Variants in PGM5 observed in about 807,000 individuals in gnomAD.
PGM5 encodes phosphoglucomutase-like protein 5.
PGM5 carries 23 observed loss-of-function variants against 59.2 expected under a neutral mutation model. The observed-to-expected ratio is 0.39, with a 90% CI of 0.28 to 0.55. The LOEUF (loss-of-function observed/expected upper bound fraction) is 0.55, where lower values mean the gene tolerates loss of function less well. Among genes scored for constraint, PGM5 ranks in the 20% least tolerant of loss-of-function variants. The probability of loss-of-function intolerance (pLI) is 0.66; values close to 1 mark genes in which losing one functional copy is unlikely to be tolerated. For missense variants in PGM5, 574 were observed against 748.3 expected (o/e 0.77, Z 2.72); for synonymous variants, 214 against 286.0 (o/e 0.75, Z 2.54).
intron 7 of PGM5, among the ~76,000 whole-genome samples, chr9:68,467,013 C>G (rs1480221804): frequency 6.6e-6 from 1 of 152,048 alleles, no homozygotes; most frequent in South Asian, 2.1e-4. Context: ...AGGTTTTTAG[C>G]GTGTACACCT....
intron 6 of PGM5, among the ~76,000 whole-genome samples, chr9:68,440,474 T>C (rs183450701): frequency 6.6e-6 from 1 of 152,284 alleles, no homozygotes; most frequent in East Asian, 1.9e-4. Flanking sequence ...ACAATATGCT[T>C]CTAAATAATC....
intron 10 of PGM5, among the ~76,000 whole-genome samples, chr9:68,499,602 G>C (rs1824539871): frequency 1.3e-5 from 2 of 152,214 alleles, no homozygotes; most frequent in African/African-American, 2.4e-5. Context: ...CCAAACAACT[G>C]TCCTCTCTTG....
intron 6 of PGM5, chr9:68,397,866 C>A (rs1822551588): frequency 6.6e-6 from 1 of 152,164 alleles, no homozygotes; most frequent in African/African-American, 2.4e-5. Flanking sequence ...GAAATGACAC[C>A]CACACATGTG....
Position 68,363,383 on chromosome 9 carries a change from G to A in PGM5, c.261+5995G>A, listed in dbSNP as rs1432196051. Among the ~76,000 whole-genome samples, 83 of 152,392 alleles carry A rather than the reference G, an allele frequency of 5.4e-4. No homozygotes were observed. In the East Asian group the frequency reaches 0.016, roughly 29 times the overall value. On this transcript the variant is annotated intron_variant, in intron 1 of 10. Coordinates refer to ENST00000396396, the MANE Select transcript of PGM5 (RefSeq NM_021965.4). ...AATTTTAATTAATTAAAATAGAAATGCAAATAACCATAAGTGGTTAGTAGC... is the reference window on the plus strand; with the variant it reads ...AATTTTAATTAATTAAAATAGAAATACAAATAACCATAAGTGGTTAGTAGC...
chr9:68,479,441 G>T lies in PGM5; in HGVS notation c.1183G>T (p.Asp395Tyr). 6.2e-7 allele frequency: 1 copy of T among 1,613,710 alleles called. No individual in the cohort carries two copies. The highest frequency in any genetic ancestry group is 8.5e-7 in the Non-Finnish European group (1 of 1,179,876). Residue 395 changes from aspartate to tyrosine, a missense_variant, in exon 8 of 11, where the codon GAT becomes TAT. By Grantham distance (160) the Asp-to-Tyr change is radical. Around this residue, in one of 7 missense-constraint regions of PGM5, gnomAD observed 300 missense variants for 280.0 expected, o/e 1.07. Coordinates refer to ENST00000396396, the MANE Select transcript of PGM5 (RefSeq NM_021965.4). Reference sequence around the variant, plus strand: ...AGGCTCTGACCACCTCCGAGAGAAGGATGGCCTGTGGGCTGTCTTGGTCTG... The same window carrying T: ...AGGCTCTGACCACCTCCGAGAGAAGTATGGCCTGTGGGCTGTCTTGGTCTG... ...GTGSDHLREK[D>Y]GLWAVLVWLS...
Position 68,529,567 on chromosome 9 carries a change from G to A in PGM5, c.1615G>A (p.Ala539Thr), listed in dbSNP as rs139767821. ...ACAGACTTTCCTTTTCCTTTTGCAG[G>A]CAGTGCTGAGCCCTCTCATAGCCAT... is the stretch of plus-strand genomic sequence containing the variant. Reference protein sequence around the residue: ...DPSGHDQEPQAVLSPLIAIAL... With the variant: ...DPSGHDQEPQTVLSPLIAIAL... The change falls in exon 11 of 11, where the codon GCA becomes ACA. Residue 539 changes from alanine to threonine, a missense_variant and splice_region_variant. Physicochemically the swap from Ala to Thr is moderately conservative, Grantham distance 58. This residue lies in a region of PGM5 where 300 missense variants were observed against 280.0 expected (regional missense o/e 1.07). Coordinates refer to ENST00000396396, the MANE Select transcript of PGM5 (RefSeq NM_021965.4). The A allele has an allele frequency of 5.0e-6, 8 of 1,588,272 alleles. No individual in the cohort carries two copies. In the African/African-American group the frequency reaches 9.4e-5, roughly 19 times the overall value.
intron 9 of PGM5, among the ~76,000 whole-genome samples, chr9:68,492,158 G>A (rs1824402119): frequency 6.6e-6 from 1 of 152,168 alleles, no homozygotes; most frequent in South Asian, 2.1e-4. Flanking sequence ...ATGATCACAG[G>A]AACTAAGGGA....
intron 9 of PGM5, among the ~76,000 whole-genome samples, chr9:68,492,848 T>C (rs1824416981): frequency 6.6e-6 from 1 of 152,208 alleles, no homozygotes; most frequent in Admixed American, 6.5e-5. Context: ...AATCTCCTGC[T>C]TTCTAGGCTG....
intron 1 of PGM5, among the ~76,000 whole-genome samples, chr9:68,361,320 G>T (rs1834575398): frequency 6.6e-6 from 1 of 152,162 alleles, no homozygotes; most frequent in Admixed American, 6.5e-5. Context: ...TAATGAAATT[G>T]ATTGTTGAAA....
chr9:68,369,883 T>C (rs1367695418), intron 1 of PGM5, among the ~76,000 whole-genome samples: 1 of 151,874 alleles, frequency 6.6e-6, no homozygotes, highest in African/African-American at 2.4e-5. Context: ...AATGAAGGAG[T>C]CCCTTGATGT....
At chr9:68,360,569 C>A (rs1468479752) in intron 1 of PGM5, among the ~76,000 whole-genome samples, 1 of 150,214 alleles carries the variant, frequency 6.7e-6, no homozygotes, top group Non-Finnish European at 1.5e-5. Context: ...TTGCTTCAAA[C>A]TTTAAAAAAT....
At chr9:68,402,747 G>A (rs1484568186) in intron 6 of PGM5, among the ~76,000 whole-genome samples, 2 of 152,164 alleles carry the variant, frequency 1.3e-5, no homozygotes, top group African/African-American at 4.8e-5. Flanking sequence ...TTAAAATGAA[G>A]GAGGATAATG....
chr9:68,403,669 C>G (rs1159627424), intron 6 of PGM5, among the ~76,000 whole-genome samples: 18 of 152,196 alleles, frequency 1.2e-4, no homozygotes, highest in Admixed American at 3.3e-4. Context: ...ATATTGGTAC[C>G]AGATTATCTG....
chr9:68,383,093 A>G (rs1488574846), intron 2 of PGM5, among the ~76,000 whole-genome samples: 1 of 151,848 alleles, frequency 6.6e-6, no homozygotes, highest in Non-Finnish European at 1.5e-5. Flanking sequence ...TGAGGACTTC[A>G]CTTTTCCCAC....
Position 68,357,599 on chromosome 9 carries a change from C to T in PGM5, c.261+211C>T, listed in dbSNP as rs1460813283. 17 of 742,966 alleles carry T rather than the reference C, an allele frequency of 2.3e-5. No individual in the cohort carries two copies. In the East Asian group the frequency reaches 3.9e-4, roughly 17 times the overall value. The allele number at this position is 742,966 out of a possible 1,614,324, so 46.0% of individuals were successfully genotyped here. On this transcript the variant is annotated intron_variant, in intron 1 of 10. Transcript: ENST00000396396. ...CCCGGACACTGGGTTCTATTAGTAC[C>T]CACCGCCCCCAAAAGCCTTGAGGGG...
intron 10 of PGM5, among the ~76,000 whole-genome samples, chr9:68,512,692 C>A (rs1313489020): frequency 6.6e-6 from 1 of 152,126 alleles, no homozygotes; most frequent in Non-Finnish European, 1.5e-5. Flanking sequence ...AACATGAGTA[C>A]CTCTGTAAAG....
At chr9:68,370,134 C>A (rs1256739117) in intron 1 of PGM5, among the ~76,000 whole-genome samples, 4 of 152,014 alleles carry the variant, frequency 2.6e-5, no homozygotes, top group Non-Finnish European at 5.9e-5. Context: ...GCTGTATGGT[C>A]CTGGAGAACA....
intron 6 of PGM5, among the ~76,000 whole-genome samples, chr9:68,438,389 T>TG (rs1364240686): frequency 6.6e-6 from 1 of 151,738 alleles, no homozygotes; most frequent in Non-Finnish European, 1.5e-5. Flanking sequence ...ACCTCAGATG[T>TG]GTATCAACAT....
At chr9:68,453,077 C>T (rs1275475063) in intron 6 of PGM5, among the ~76,000 whole-genome samples, 1 of 152,212 alleles carries the variant, frequency 6.6e-6, no homozygotes, top group Non-Finnish European at 1.5e-5. Flanking sequence ...ACCACCAACT[C>T]CACAAGGTGC....
Sources: allele counts gnomAD v4.1 joint callset (sites outside exome capture counted in the v4.1 genomes callset), GRCh38; gene constraint gnomAD v4.1.1; regional missense constraint gnomAD v4.1.1; transcripts MANE v1.5; gene names NCBI Gene and HGNC (gene_info 2026-07-23, HGNC 2026-07-21).